Variants in CCBE1 observed in about 807,000 individuals in gnomAD.
CCBE1 encodes collagen and calcium-binding EGF domain-containing protein 1.
A neutral mutation model predicts 50.0 loss-of-function variants in CCBE1; 37 were observed. The observed-to-expected ratio is 0.74, with a 90% CI of 0.57 to 0.97. CCBE1 has a LOEUF of 0.97. Among genes scored for constraint, CCBE1 ranks in the 50% least tolerant of loss-of-function variants. CCBE1 has a pLI of 0.00. For synonymous variants in CCBE1, 234 were observed against 203.7 expected, an observed-to-expected ratio of 1.15 and a Z score of -1.27; for missense variants, 538 against 523.8, an observed-to-expected ratio of 1.03 and a Z score of -0.26.
intron 2 of CCBE1, among the ~76,000 whole-genome samples, chr18:59,571,033 G>A (rs1039713408): frequency 6.6e-6 from 1 of 152,276 alleles, no homozygotes; most frequent in South Asian, 2.1e-4. Flanking sequence ...ACTTCAGCCA[G>A]AAATTCACCC....
At chr18:59,486,655 G>T (rs1912836812) in intron 2 of CCBE1, among the ~76,000 whole-genome samples, 2 of 152,148 alleles carry the variant, frequency 1.3e-5, no homozygotes, top group African/African-American at 4.8e-5. Context: ...CCTCCCTGCA[G>T]AACCTCAGCA....
At chr18:59,550,744 G>GT (rs376950864) in intron 2 of CCBE1, among the ~76,000 whole-genome samples, 278 of 152,190 alleles carry the variant, frequency 1.8e-3, no homozygotes, top group African/African-American at 6.5e-3. Context: ...ATACAGTCAT[G>GT]TGGGCTGGGT....
At chr18:59,580,368 T>C (rs142206287) in intron 2 of CCBE1, among the ~76,000 whole-genome samples, 1,926 of 152,298 alleles carry the variant, frequency 0.013, 33 homozygotes, top group African/African-American at 0.043. Context: ...GAAACAATGT[T>C]CATGTTGCAT....
chr18:59,642,682 G>T lies in CCBE1; in HGVS notation c.212+53947C>A, dbSNP rs746111350. Reference sequence around the variant, plus strand: ...AGAATACAATGGGCCGGGCGCGGTGGCTCACGCCTGTAATCCCAGCACTTT... The same window carrying T: ...AGAATACAATGGGCCGGGCGCGGTGTCTCACGCCTGTAATCCCAGCACTTT... On this transcript the variant is annotated intron_variant, in intron 2 of 10. Transcript: ENST00000439986. 8.5e-5 allele frequency among the ~76,000 whole-genome samples: 13 copies of T among 152,194 alleles called. 1 individual carries two copies. Among genetic ancestry groups the T allele is most frequent in the Non-Finnish European group, 1.3e-4 (9 of 68,028 alleles).
intron 2 of CCBE1, among the ~76,000 whole-genome samples, chr18:59,531,288 A>G (rs985728232): frequency 6.6e-6 from 1 of 152,146 alleles, no homozygotes; most frequent in African/African-American, 2.4e-5. Context: ...CCAGTGTGAA[A>G]GATGAGAAGA....
At chr18:59,567,343 A>G (rs2052845921) in intron 2 of CCBE1, among the ~76,000 whole-genome samples, 1 of 152,194 alleles carries the variant, frequency 6.6e-6, no homozygotes, top group South Asian at 2.1e-4. Flanking sequence ...CATGTTGGCC[A>G]GGCTGGTCTC....
intron 2 of CCBE1, among the ~76,000 whole-genome samples, chr18:59,583,689 G>A (rs952558562): frequency 3.3e-4 from 42 of 128,996 alleles, no homozygotes; most frequent in Non-Finnish European, 4.6e-4. Flanking sequence ...GTGCGCGCGC[G>A]CGCGCGCGCG....
At chr18:59,638,031 A>T (rs533489654) in intron 2 of CCBE1, among the ~76,000 whole-genome samples, 1 of 152,218 alleles carries the variant, frequency 6.6e-6, no homozygotes, top group Non-Finnish European at 1.5e-5. Context: ...ACCATGAGAA[A>T]AGAAAATTAC....
At chr18:59,512,817 T>G (rs1914191388) in intron 2 of CCBE1, among the ~76,000 whole-genome samples, 1 of 152,186 alleles carries the variant, frequency 6.6e-6, no homozygotes, top group Non-Finnish European at 1.5e-5. Context: ...GGCCCACGGC[T>G]CTCACTGGAG....
chr18:59,571,419 T>C (rs894192976), intron 2 of CCBE1, among the ~76,000 whole-genome samples: 3 of 137,956 alleles, frequency 2.2e-5, no homozygotes, highest in African/African-American at 8.3e-5. Context: ...TAGGTGGGAA[T>C]TGAACAATGA....
chr18:59,546,331 A>G (rs1405876197), intron 2 of CCBE1, among the ~76,000 whole-genome samples: 1 of 152,220 alleles, frequency 6.6e-6, no homozygotes, highest in Non-Finnish European at 1.5e-5. Context: ...ATCACCCCTC[A>G]TATTCACACT....
intron 2 of CCBE1, among the ~76,000 whole-genome samples, chr18:59,684,412 G>A (rs1237445177): frequency 6.6e-6 from 1 of 152,164 alleles, no homozygotes; most frequent in African/African-American, 2.4e-5. Context: ...TCGTGCCACA[G>A]CACTCCAGCC....
chr18:59,643,813 CTG>C (rs961390894), intron 2 of CCBE1, among the ~76,000 whole-genome samples: 7 of 127,876 alleles, frequency 5.5e-5, no homozygotes, highest in African/African-American at 2.1e-4. Flanking sequence ...CAATGCGAGA[CTG>C]TCTCAGAATG....
At chr18:59,483,732 A>G (rs1173957899) in intron 2 of CCBE1, among the ~76,000 whole-genome samples, 1 of 152,190 alleles carries the variant, frequency 6.6e-6, no homozygotes, top group Non-Finnish European at 1.5e-5. Flanking sequence ...TCCCTGTAAC[A>G]TTTCTCACAT....
At chr18:59,534,787 G>A (rs780080432) in intron 2 of CCBE1, among the ~76,000 whole-genome samples, 52 of 152,160 alleles carry the variant, frequency 3.4e-4, no homozygotes, top group Non-Finnish European at 5.4e-4. Context: ...CTAGAGCTGC[G>A]TAGCCTGGAA....
rs1202003141 is a variant in CCBE1, at chr18:59,433,170, A to AT, written c.*2737dup. On this transcript the variant is annotated 3_prime_UTR_variant, in exon 11 of 11. Transcript: ENST00000439986. Reference sequence around the variant, plus strand: ...AAAGAGCACCCCACCCTAAAAAGAAATTTTTTCTTTTTAAAAAGTCTCCTT... The same window carrying AT: ...AAAGAGCACCCCACCCTAAAAAGAAATTTTTTTCTTTTTAAAAAGTCTCCTT... 1 of 151,894 alleles carries AT rather than the reference A, an allele frequency of 6.6e-6. No homozygotes were observed. Among genetic ancestry groups the AT allele is most frequent in the Non-Finnish European group, 1.5e-5 (1 of 67,986 alleles). 9.4% of individuals were successfully genotyped at this position (151,894 alleles called of 1,614,324 possible).
intron 2 of CCBE1, among the ~76,000 whole-genome samples, chr18:59,577,723 T>C (rs1021933866): frequency 6.6e-6 from 1 of 152,146 alleles, no homozygotes; most frequent in Admixed American, 6.6e-5. Flanking sequence ...TTTGAACAGA[T>C]GTAAATAGAG....
At chr18:59,451,153 C>A (rs1348658034) in intron 6 of CCBE1, among the ~76,000 whole-genome samples, 5 of 152,134 alleles carry the variant, frequency 3.3e-5, no homozygotes, top group African/African-American at 9.7e-5. Flanking sequence ...CCCCATTTCC[C>A]AGCCCACAGT....
intron 7 of CCBE1, among the ~76,000 whole-genome samples, chr18:59,440,663 T>C (rs1328787230): frequency 6.6e-6 from 1 of 152,102 alleles, no homozygotes; most frequent in Admixed American, 6.5e-5. Context: ...CCTTACTTCT[T>C]AGTGAGGGGT....
Sources: allele counts gnomAD v4.1 joint callset (sites outside exome capture counted in the v4.1 genomes callset), GRCh38; gene constraint gnomAD v4.1.1; transcripts MANE v1.5; gene names NCBI Gene and HGNC (gene_info 2026-07-23, HGNC 2026-07-21).